Variants in CORIN observed in about 807,000 individuals in gnomAD.
CORIN encodes the protein corin, serine peptidase.
In CORIN, 117 loss-of-function variants were observed where a neutral mutation model predicts 125.3. The observed-to-expected ratio is 0.93, with a 90% CI of 0.80 to 1.09. CORIN has a LOEUF of 1.09. Among genes scored for constraint, CORIN ranks in the 50% least tolerant of loss-of-function variants. The pLI, the probability that CORIN is intolerant of heterozygous loss-of-function variation, is 0.00. For synonymous variants in CORIN, 450 were observed against 466.4 expected (o/e 0.96, Z 0.45); for missense variants, 1,253 against 1,306.7 (o/e 0.96, Z 0.63).
intron 5 of CORIN, among the ~76,000 whole-genome samples, chr4:47,735,782 T>G (rs911798991): frequency 6.6e-6 from 1 of 151,676 alleles, no homozygotes; most frequent in East Asian, 1.9e-4. Flanking sequence ...TAGCCGGAAG[T>G]GGTGGTGGGC....
intron 16 of CORIN, chr4:47,632,096 A>G (rs1722829161): frequency 6.6e-6 from 1 of 152,194 alleles, no homozygotes; most frequent in Non-Finnish European, 1.5e-5. Flanking sequence ...TGCTTGAATT[A>G]TGATTATGTT....
intron 13 of CORIN, among the ~76,000 whole-genome samples, chr4:47,650,591 T>C (rs1490592274): frequency 6.6e-6 from 1 of 152,226 alleles, no homozygotes; most frequent in African/African-American, 2.4e-5. Flanking sequence ...TAGCTCTCCT[T>C]TCTTTGATGT....
At chr4:47,825,621 T>C (rs1577955856) in intron 1 of CORIN, among the ~76,000 whole-genome samples, 1 of 152,008 alleles carries the variant, frequency 6.6e-6, no homozygotes, top group African/African-American at 2.4e-5. Context: ...GAATAACTTT[T>C]AGAACATTTT....
intron 9 of CORIN, 108 bp downstream of exon 9, chr4:47,677,830 G>T: frequency 1.3e-6 from 1 of 765,878 alleles, no homozygotes; most frequent in Non-Finnish European, 2.3e-6. Context: ...AGGCAATCTG[G>T]GATTATTTAC....
chr4:47,725,251 T>C (rs1397582219), intron 5 of CORIN, among the ~76,000 whole-genome samples: 9 of 152,154 alleles, frequency 5.9e-5, no homozygotes, highest in African/African-American at 2.2e-4. Flanking sequence ...GAACACTTTT[T>C]TTTTTGTAGA....
At chr4:47,730,568 A>T (rs1162945086) in intron 5 of CORIN, among the ~76,000 whole-genome samples, 1 of 151,934 alleles carries the variant, frequency 6.6e-6, no homozygotes, top group African/African-American at 2.4e-5. Flanking sequence ...TGGAGCCCAA[A>T]AGCACTCTTG....
At chr4:47,721,677 G>A (rs1727357903) in intron 5 of CORIN, among the ~76,000 whole-genome samples, 1 of 152,166 alleles carries the variant, frequency 6.6e-6, no homozygotes, top group Non-Finnish European at 1.5e-5. Flanking sequence ...ATGCAAACAC[G>A]CAGTTCATCA....
chr4:47,760,228 TCTC>T (rs1193864924), intron 4 of CORIN, among the ~76,000 whole-genome samples: 1 of 152,230 alleles, frequency 6.6e-6, no homozygotes, highest in Non-Finnish European at 1.5e-5. Context: ...ACAACATTCA[TCTC>T]CTCTTACATC....
At chr4:47,709,859 T>A (rs2109774906) in intron 5 of CORIN, among the ~76,000 whole-genome samples, 1 of 152,328 alleles carries the variant, frequency 6.6e-6, no homozygotes, top group South Asian at 2.1e-4. Flanking sequence ...TTGACAAGGA[T>A]TTTTCTTCTT....
chr4:47,814,320 TC>T (rs921335186), intron 1 of CORIN, among the ~76,000 whole-genome samples: 2 of 152,186 alleles, frequency 1.3e-5, no homozygotes, highest in Non-Finnish European at 1.5e-5. Context: ...GGCTAGATAT[TC>T]AACTTGGAAC....
intron 9 of CORIN, among the ~76,000 whole-genome samples, chr4:47,676,688 T>C (rs1341576085): frequency 1.3e-5 from 2 of 152,214 alleles, no homozygotes; most frequent in Admixed American, 6.5e-5. Context: ...ATAAAAATAC[T>C]AAAATTTTAC....
intron 19 of CORIN, among the ~76,000 whole-genome samples, chr4:47,610,149 T>C (rs1378059076): frequency 2.6e-5 from 4 of 152,192 alleles, no homozygotes; most frequent in African/African-American, 9.7e-5. Flanking sequence ...CAAATGGTAT[T>C]TTTGCTTCTA....
chr4:47,674,232 T>C (rs555476977), intron 10 of CORIN, among the ~76,000 whole-genome samples, 161 bp downstream of exon 10: 2 of 152,358 alleles, frequency 1.3e-5, no homozygotes. Flanking sequence ...GACCATTTGG[T>C]TTCTTTACTG....
chr4:47,712,876 G>T (rs1726913037), intron 5 of CORIN, among the ~76,000 whole-genome samples: 1 of 152,184 alleles, frequency 6.6e-6, no homozygotes. Flanking sequence ...TTCAGTACAT[G>T]AGAGAAACAT....
intron 3 of CORIN, among the ~76,000 whole-genome samples, chr4:47,769,686 G>A (rs1023456961): frequency 5.3e-5 from 8 of 152,032 alleles, no homozygotes; most frequent in African/African-American, 1.9e-4. Context: ...CAATGTAACT[G>A]AATGAAGAAT....
chr4:47,623,849 TC>T (rs769410001), intron 18 of CORIN, 49 bp downstream of exon 18: 2 of 1,605,480 alleles, frequency 1.2e-6, no homozygotes, highest in Non-Finnish European at 1.7e-6. Flanking sequence ...CCTGAGCCAA[TC>T]CAGTTCAATT....
intron 4 of CORIN, among the ~76,000 whole-genome samples, chr4:47,747,011 C>T (rs974755175): frequency 1.3e-5 from 2 of 152,072 alleles, no homozygotes; most frequent in Non-Finnish European, 2.9e-5. Flanking sequence ...TGAGCCAGCC[C>T]ACAGTAAAGC....
At chr4:47,639,093 AC>A (rs1269554636) in intron 16 of CORIN, among the ~76,000 whole-genome samples, 1 of 152,086 alleles carries the variant, frequency 6.6e-6, no homozygotes, top group African/African-American at 2.4e-5. Flanking sequence ...TCCAAAATAT[AC>A]CCCCTGAAGT....
chr4:47,788,481 G>A (rs759820070), intron 2 of CORIN, among the ~76,000 whole-genome samples: 1 of 152,134 alleles, frequency 6.6e-6, no homozygotes, highest in Non-Finnish European at 1.5e-5. Context: ...GTGTGATCAT[G>A]AGTAAAAGTC....
Sources: gnomAD v4.1 joint callset for allele counts (sites outside exome capture counted in the v4.1 genomes callset) on GRCh38, gnomAD v4.1.1 for gene constraint, MANE v1.5 for transcripts, NCBI Gene and HGNC (gene_info 2026-07-23, HGNC 2026-07-21) for gene names.